RECQL4: variants seen among roughly 807,000 people sequenced by gnomAD.
RECQL4 encodes RecQ like helicase 4, also known as ATP-dependent DNA helicase Q4.
Under a neutral mutation model 128.6 loss-of-function variants are expected in RECQL4, and 158 were observed. That is an observed-to-expected ratio of 1.23 (90% CI 1.08 to 1.40). RECQL4 has a LOEUF of 1.40. RECQL4 is among the 40% of genes most tolerant of loss of function. RECQL4 has a pLI of 0.00. For missense variants in RECQL4, 2,293 were observed against 1,649.8 expected (o/e 1.39, Z -6.75); for synonymous variants, 996 against 678.9 (o/e 1.47, Z -7.26).
chr8:144,515,274 G>A, intron 7 of RECQL4, 32 bp from the exon 8 acceptor site: 1 of 1,609,050 alleles, frequency 6.2e-7, no homozygotes, highest in Non-Finnish European at 8.5e-7. Flanking sequence ...ACCATGACTT[G>A]AGTCACCCCA....
In RECQL4 at chr8:144,514,932, A is replaced by C. The variant is rs1827929476; in HGVS notation, c.1620+4T>G. 1 of 1,610,910 alleles carries C rather than the reference A, an allele frequency of 6.2e-7. No homozygotes were observed. The highest frequency in any genetic ancestry group is 8.5e-7 in the Non-Finnish European group (1 of 1,179,408). On this transcript the variant is annotated splice_donor_region_variant and intron_variant, in intron 9 of 20. Transcript: ENST00000617875. ...TACGTGTGCCCAGGGCCCTGTGTGCACACCTGGTCATCCATGAGTGACAGC... is the reference window on the plus strand; with the variant it reads ...TACGTGTGCCCAGGGCCCTGTGTGCCCACCTGGTCATCCATGAGTGACAGC...
rs1198334062 is a variant in RECQL4, at chr8:144,515,152, G to A, written c.1481C>T (p.Ser494Phe). Residue 494 changes from serine (S) to phenylalanine (F), a missense_variant and splice_region_variant, in exon 8 of 21, where the codon TCT (serine) becomes TTT (phenylalanine). Ser to Phe is a radical substitution (Grantham distance 155). Coordinates refer to ENST00000617875, the MANE Select transcript of RECQL4 (RefSeq NM_004260.4). ...GQERAVMRIL[S>F]GISTLLVLPT... ...TCAGCCCTGGCAGCCACGCTCACCAGACAGGATCCGCATGACTGCACGCTC... is the reference window on the plus strand; with the variant it reads ...TCAGCCCTGGCAGCCACGCTCACCAAACAGGATCCGCATGACTGCACGCTC... The A allele has an allele frequency of 5.7e-6, 9 of 1,565,670 alleles. No homozygotes were observed. The highest frequency in any genetic ancestry group is 2.4e-5 in the East Asian group (1 of 41,834).
At chr8:144,516,940 G>C in intron 4 of RECQL4, 110 bp downstream of exon 4, 24 of 1,474,210 alleles carry the variant, frequency 1.6e-5, no homozygotes, top group Non-Finnish European at 2.2e-5. Flanking sequence ...CTCGTGCCCT[G>C]GTTGGCACAG....
chr8:144,517,248 C>T, intron 3 of RECQL4, 58 bp from the exon 4 acceptor site: 1 of 1,532,586 alleles, frequency 6.5e-7, no homozygotes, highest in South Asian at 1.2e-5. Flanking sequence ...CAGAAGCGCT[C>T]CCAGCCACCC....
In RECQL4 at chr8:144,512,913, A is replaced by G. The variant is rs758910738; in HGVS notation, c.2689T>C (p.Cys897Arg). The G allele has an allele frequency of 6.3e-7, 1 of 1,586,856 alleles. No homozygotes were observed. The highest frequency in any genetic ancestry group is 1.1e-5 in the South Asian group (1 of 87,568). The change falls in exon 15 of 21, where the codon TGC becomes CGC. Residue 897 changes from cysteine to arginine, a missense_variant. Physicochemically the swap from Cys to Arg is radical, Grantham distance 180. Transcript: ENST00000617875. Reference protein sequence around the residue: ...HQAAPGPRRVCMGHERALPIQ... With the variant: ...HQAAPGPRRVRMGHERALPIQ... The stretch of plus-strand genomic sequence containing the variant: ...GGGAGTGCCCGCTCATGGCCCATGC[A>G]GACCCTTCTGGGTCCTGGGGCTGCT...
chr8:144,514,493 G>C lies in RECQL4; in HGVS notation c.1653C>G (p.Ala551=), dbSNP rs748651173. ...VSGLPPCLKA[A]CIHSGMTRKQ... ...TCCTGGTCATGCCCGAGTGTATGCA[G>C]GCCGCCTTGAGACACGGTGGCAGGC... Residue 551 remains alanine (A), a synonymous_variant, in exon 10 of 21, where the codon GCC becomes GCG. Coordinates refer to ENST00000617875, the MANE Select transcript of RECQL4 (RefSeq NM_004260.4). The C allele has an allele frequency of 3.7e-6, 6 of 1,612,164 alleles. No homozygotes were observed. Among genetic ancestry groups the C allele is most frequent in the Non-Finnish European group, 4.2e-6 (5 of 1,179,622 alleles).
rs1827771729 is a variant in RECQL4, at chr8:144,513,968, TTGG to T, written c.2015_2017del (p.Thr672del). On this transcript the variant is annotated inframe_deletion, in exon 12 of 21. Coordinates refer to ENST00000617875, the MANE Select transcript of RECQL4 (RefSeq NM_004260.4). ...GTCCATGGACACGGAAAGGTGCAGG[TTGG>T]TGGGAACTGGGGCTGGCCCGTGGAG... 1 of 1,562,704 alleles carries T rather than the reference TTGG, an allele frequency of 6.4e-7. No homozygotes were observed. The highest frequency in any genetic ancestry group is 2.4e-5 in the East Asian group (1 of 41,708).
Position 144,512,492 on chromosome 8 carries a change from C to A in RECQL4, c.2955G>T (p.Val985=). The A allele has an allele frequency of 6.2e-7, 1 of 1,612,478 alleles. No homozygotes were observed. The highest frequency in any genetic ancestry group is 8.5e-7 in the Non-Finnish European group (1 of 1,179,776). Residue 985 remains valine, a synonymous_variant, in exon 17 of 21, where the codon GTG becomes GTT. Transcript: ENST00000617875. Reference sequence around the variant, plus strand: ...CCACCAGCTTGACCATGTCAAACTCCACGGAGCTGCTGCCTTGCCCTGGGT... The same window carrying A: ...CCACCAGCTTGACCATGTCAAACTCAACGGAGCTGCTGCCTTGCCCTGGGT... ...PEDPGQGSSS[V]EFDMVKLVDS... is the part of the protein sequence containing the mutation.
rs757872564 is a variant in RECQL4 at position 144,515,452 on chromosome 8, C to T, written c.1264G>A (p.Glu422Lys). 1.4e-5 allele frequency: 23 copies of T among 1,612,614 alleles called. No individual in the cohort carries two copies. The South Asian group carries it at 2.1e-4, about 15-fold the overall frequency. Residue 422 changes from glutamate (E) to lysine (K), a missense_variant, in exon 7 of 21, where the codon GAG (glutamate) becomes AAG (lysine). Glu to Lys is a moderately conservative substitution (Grantham distance 56, BLOSUM62 1). Transcript: ENST00000617875. Reference sequence around the variant, plus strand: ...GGCCCAACAGCATCTGTGTCTTCCTCACTTGCTGGGGCAGGCAGGAGAGGG... The same window carrying T: ...GGCCCAACAGCATCTGTGTCTTCCTTACTTGCTGGGGCAGGCAGGAGAGGG... ...WAAQCPRPAS[E>K]EDTDAVGPEP...
rs386833853 is a variant in RECQL4 at position 144,512,166 on chromosome 8, T to A, written c.3214A>T (p.Arg1072Ter). Reference protein sequence around the residue: ...RERQALARLRRTFQAFHSVAF... With the variant: ...RERQALARLR ...AACCTGTGAAAGGCCTGGAAGGTTC[T>A]GCGCAGACGGGCCAGGGCCTGGCGC... is the stretch of plus-strand genomic sequence containing the variant. The change falls in exon 18 of 21, where the codon AGA (arginine) becomes TGA (stop). Residue 1072 changes from arginine to a stop codon, truncating the protein, a stop_gained. Coordinates refer to ENST00000617875, the MANE Select transcript of RECQL4 (RefSeq NM_004260.4). LOFTEE classifies it high-confidence loss of function. 1.2e-6 allele frequency: 2 copies of A among 1,610,840 alleles called. No individual in the cohort carries two copies.
chr8:144,516,626 G>T lies in RECQL4; in HGVS notation c.493C>A (p.Pro165Thr), dbSNP rs766897765. 6.8e-6 allele frequency: 11 copies of T among 1,610,508 alleles called. No individual in the cohort carries two copies. Among genetic ancestry groups the T allele is most frequent in the Non-Finnish European group, 9.3e-6 (11 of 1,178,836 alleles). The change falls in exon 5 of 21, where the codon CCC (proline) becomes ACC (threonine). Residue 165 changes from proline to threonine, a missense_variant. Coordinates refer to ENST00000617875, the MANE Select transcript of RECQL4 (RefSeq NM_004260.4). ...TGGAGCCGGCCTGGCCTTGGCTGGGGCTCAGGGAGCTGTGGAGGCTCATCA... is the reference window on the plus strand; with the variant it reads ...TGGAGCCGGCCTGGCCTTGGCTGGGTCTCAGGGAGCTGTGGAGGCTCATCA... Reference protein sequence around the residue: ...VSDEPPQLPEPQPRPGRLQHL... With the variant: ...VSDEPPQLPETQPRPGRLQHL...
rs757829517 is a variant in RECQL4 at position 144,514,091 on chromosome 8, A to G, written c.1895T>C (p.Met632Thr). The G allele has an allele frequency of 3.7e-6, 6 of 1,601,420 alleles. No homozygotes were observed. Among genetic ancestry groups the G allele is most frequent in the Non-Finnish European group, 5.1e-6 (6 of 1,175,132 alleles). ...GAGGCCCAGGAAGCAGTGCACGCCC[A>G]TGCGCTCCCGAAGCACCTGCACCAG... ...LRVCKVLRER[M>T]GVHCFLGLTA... Residue 632 changes from methionine (M) to threonine (T), a missense_variant, in exon 12 of 21, where the codon ATG (methionine) becomes ACG (threonine). Coordinates refer to ENST00000617875, the MANE Select transcript of RECQL4 (RefSeq NM_004260.4).
At position 144,512,275 on chromosome 8, in the gene RECQL4, G is replaced by T. The variant is rs1201355033; in HGVS notation, c.3105C>A (p.Phe1035Leu). 2 of 1,612,416 alleles carry T rather than the reference G, an allele frequency of 1.2e-6. No individual in the cohort carries two copies. Among genetic ancestry groups the T allele is most frequent in the Non-Finnish European group, 1.7e-6 (2 of 1,179,804 alleles). Residue 1035 changes from phenylalanine to leucine, a missense_variant, in exon 18 of 21, where the codon TTC (phenylalanine) becomes TTA (leucine). Coordinates refer to ENST00000617875, the MANE Select transcript of RECQL4 (RefSeq NM_004260.4). ...GVLVEFSELA[F>L]HLRSPGDLTA... ...TCAAGTCCCCCGGGCTGCGAAGGTGGAAGGCCAGCTCACTGAACTCCACAA... is the reference window on the plus strand; with the variant it reads ...TCAAGTCCCCCGGGCTGCGAAGGTGTAAGGCCAGCTCACTGAACTCCACAA...
chr8:144,517,717 C>T lies in RECQL4; in HGVS notation c.68G>A (p.Gly23Glu). The T allele has an allele frequency of 7.4e-7, 1 of 1,359,572 alleles. No individual in the cohort carries two copies. Among genetic ancestry groups the T allele is most frequent in the Non-Finnish European group, 9.5e-7 (1 of 1,055,758 alleles). The allele number at this position is 1,359,572 out of a possible 1,614,324, so 84.2% of individuals were successfully genotyped here. The change falls in exon 1 of 21, where the codon GGG becomes GAG. Residue 23 changes from glycine (G) to glutamate (E), a missense_variant. Transcript: ENST00000617875. ...AWERAFRRQR[G>E]RRPSQDDVEA... ...AGCCCGCACCTGGCTCGGTCGCCGC[C>T]CGCGCTGCCGTCGGAACGCGCGCTC...
In RECQL4 at chr8:144,513,347, C is replaced by G; in HGVS notation, c.2334G>C (p.Leu778=). The change falls in exon 14 of 21, where the codon CTG becomes CTC. Residue 778 remains leucine (L), a synonymous_variant. Transcript: ENST00000617875. ...GCACAGCCCGCACATCTGGCCGGTC[C>G]AGCCCCATCCCAAAGGCCACCGTGG... ...VVATVAFGMG[L]DRPDVRAVLH... 6.2e-7 allele frequency: 1 copy of G among 1,605,234 alleles called. No individual in the cohort carries two copies. Among genetic ancestry groups the G allele is most frequent in the Non-Finnish European group, 8.5e-7 (1 of 1,179,656 alleles).
intron 6 of RECQL4, 119 bp from the exon 7 acceptor site, chr8:144,515,576 C>T (rs2130710252): frequency 1.3e-6 from 2 of 1,523,886 alleles, no homozygotes; most frequent in East Asian, 2.3e-5. Flanking sequence ...CTCTGGGCTA[C>T]TTTTTCCAAA....
chr8:144,513,733 T>A lies in RECQL4; in HGVS notation c.2059-21A>T, dbSNP rs1015970430. 6.8e-6 allele frequency: 10 copies of A among 1,465,222 alleles called. No homozygotes were observed. In the South Asian group the frequency reaches 7.4e-5, roughly 11 times the overall value. The allele number at this position is 1,465,222 out of a possible 1,614,324, so 90.8% of individuals were successfully genotyped here. A position where few individuals can be genotyped will look rare whatever the true frequency, so the allele number is the denominator to read the frequency against. On this transcript the variant is annotated intron_variant, in intron 12 of 20. Coordinates refer to ENST00000617875, the MANE Select transcript of RECQL4 (RefSeq NM_004260.4). ...AGTGCCTGATGAGGAGCGGTTGGCG[T>A]GGGCAGTGGGGAGTGAGGAGGGGTC... is the stretch of plus-strand genomic sequence containing the variant.
chr8:144,514,496 C>T lies in RECQL4; in HGVS notation c.1650G>A (p.Ala550=), dbSNP rs770513069. ...TGGTCATGCCCGAGTGTATGCAGGC[C>T]GCCTTGAGACACGGTGGCAGGCCAG... ...QVSGLPPCLK[A]ACIHSGMTRK... is the part of the protein sequence containing the mutation. The change falls in exon 10 of 21, where the codon GCG becomes GCA. Residue 550 remains alanine (A), a synonymous_variant. Transcript: ENST00000617875. The T allele has an allele frequency of 1.9e-5, 30 of 1,612,062 alleles. No individual in the cohort carries two copies. The highest frequency in any genetic ancestry group is 6.7e-5 in the African/African-American group (5 of 74,908).
chr8:144,511,858 G>A (rs1226016097), intron 19 of RECQL4, 53 bp downstream of exon 19: 47 of 1,610,136 alleles, frequency 2.9e-5, no homozygotes, highest in Non-Finnish European at 3.8e-5. Flanking sequence ...CAAGCCCCAT[G>A]CAGCCCAGGG....
Sources: gnomAD v4.1 joint callset for allele counts on GRCh38, gnomAD v4.1.1 for gene constraint, MANE v1.5 for transcripts, NCBI Gene and HGNC (gene_info 2026-07-23, HGNC 2026-07-21) for gene names.